The following AFF2 variants were observed in gnomAD, a reference collection of about 807,000 sequenced individuals.
AFF2 encodes the protein ALF transcription elongation factor 2, also known as AF4/FMR2 family member 2.
Under a neutral mutation model 76.9 loss-of-function variants are expected in AFF2, and 14 were observed. That is an observed-to-expected ratio of 0.18 (90% CI 0.12 to 0.28). The LOEUF (loss-of-function observed/expected upper bound fraction) is 0.28, where lower values mean the gene tolerates loss of function less well. Among genes scored for constraint, AFF2 ranks in the 10% least tolerant of loss-of-function variants. The pLI, the probability that AFF2 is intolerant of heterozygous loss-of-function variation, is 1.00. For synonymous variants in AFF2, 398 were observed against 366.7 expected, an observed-to-expected ratio of 1.09 and a Z score of -0.98; for missense variants, 868 against 1,001.1, an observed-to-expected ratio of 0.87 and a Z score of 1.79.
intron 2 of AFF2, among the ~76,000 whole-genome samples, chrX:148,658,142 A>T (rs2054271303): frequency 8.9e-6 from 1 of 111,830 alleles, no homozygotes; most frequent in African/African-American, 3.3e-5. Flanking sequence ...GAACTTCTTG[A>T]GGCTCTGTGT....
Position 148,710,893 on chromosome X carries a change from A to C in AFF2, c.1041+48125A>C, listed in dbSNP as rs1421597037. 3.6e-5 allele frequency among the ~76,000 whole-genome samples: 4 copies of C among 111,617 alleles called. No individual in the cohort carries two copies. In the Admixed American group the frequency reaches 3.8e-4, roughly 11 times the overall value. ...GTCAGTTGACTGGATGAACTGTAAG[A>C]ATTATCTATCTTAAAAATAACGGCT... On this transcript the variant is annotated intron_variant, in intron 3 of 20. Transcript: ENST00000370460.
chrX:148,985,285 CTTTTTTTTTTTTTTTTT>C (rs151339705), intron 19 of AFF2, among the ~76,000 whole-genome samples: 19 of 15,389 alleles, frequency 1.2e-3, no homozygotes, highest in South Asian at 0.022. Context: ...TGTGCCTGGC[CTTTTTTTTTTTTTTTTT>C]TTTTTTTTTT....
chrX:148,890,220 C>T (rs1463400690), intron 8 of AFF2, among the ~76,000 whole-genome samples: 1 of 111,381 alleles, frequency 9.0e-6, no homozygotes, highest in Non-Finnish European at 1.9e-5. Context: ...GGGTTTAATC[C>T]CAGGCCTCAA....
intron 8 of AFF2, 143 bp downstream of exon 8, chrX:148,886,128 T>C: frequency 6.0e-6 from 3 of 501,116 alleles, no homozygotes; most frequent in Admixed American, 5.8e-5. Context: ...AAGATGAGCA[T>C]AGTGTTCTGG....
intron 19 of AFF2, among the ~76,000 whole-genome samples, chrX:148,987,138 GTTGACAAAAGCTATTGCA>G (rs2072481565): frequency 9.0e-6 from 1 of 111,531 alleles, no homozygotes; most frequent in Non-Finnish European, 1.9e-5. Context: ...AAGCTATTGT[GTTGACAAAAGCTATTGCA>G]TTGACAAAAG....
chrX:148,755,226 G>A lies in AFF2; in HGVS notation c.1042-54650G>A, dbSNP rs367815897. ...TTATCTTGATTATGACTGAAGCTGC[G>A]TTTGTCACTTTTGTTTTCAAATCAT... is the stretch of plus-strand genomic sequence containing the variant. On this transcript the variant is annotated intron_variant, in intron 3 of 20. Transcript: ENST00000370460. Among the ~76,000 whole-genome samples, 19 of 112,189 alleles carry A rather than the reference G, an allele frequency of 1.7e-4. No individual in the cohort carries two copies. In the South Asian group the frequency reaches 5.5e-3, roughly 33 times the overall value.
chrX:148,778,202 C>A (rs942275757), intron 3 of AFF2, among the ~76,000 whole-genome samples: 1 of 111,484 alleles, frequency 9.0e-6, no homozygotes, highest in Non-Finnish European at 1.9e-5. Context: ...GGGATGAAGC[C>A]GACTTGATCG....
chrX:148,830,116 A>G (rs782725163), intron 4 of AFF2, among the ~76,000 whole-genome samples: 1 of 112,148 alleles, frequency 8.9e-6, no homozygotes, highest in East Asian at 2.8e-4. Flanking sequence ...GAGATGGGAC[A>G]TCCAGGAGAG....
intron 3 of AFF2, among the ~76,000 whole-genome samples, chrX:148,688,447 A>G (rs1181175724): frequency 9.0e-6 from 1 of 111,347 alleles, no homozygotes; most frequent in Non-Finnish European, 1.9e-5. Flanking sequence ...CTGTTCCTGC[A>G]GTTTTTGTAG....
chrX:148,749,890 T>C (rs1442701366), intron 3 of AFF2, among the ~76,000 whole-genome samples: 2 of 111,255 alleles, frequency 1.8e-5, no homozygotes, highest in African/African-American at 3.3e-5. Context: ...ACCCACTGCC[T>C]CCTCCTCACC....
intron 3 of AFF2, among the ~76,000 whole-genome samples, chrX:148,690,480 G>A (rs2054639861): frequency 9.0e-6 from 1 of 111,666 alleles, no homozygotes; most frequent in Non-Finnish European, 1.9e-5. Context: ...AGAAGAGAAT[G>A]AACTTACTCA....
chrX:148,700,419 AGTGTGTGTGTGTGTGTGTGT>A (rs368077947), intron 3 of AFF2, among the ~76,000 whole-genome samples: 150 of 82,491 alleles, frequency 1.8e-3, no homozygotes, highest in Non-Finnish European at 2.6e-3. Flanking sequence ...GTACTGTTGA[AGTGTGTGTGTGTGTGTGTGT>A]GTGTGTGTGT....
intron 1 of AFF2, among the ~76,000 whole-genome samples, chrX:148,616,761 C>A (rs2053808253): frequency 1.0e-5 from 1 of 97,436 alleles, no homozygotes; most frequent in Non-Finnish European, 2.0e-5. Context: ...GTGTGATGTT[C>A]CCCTTCCTGT....
intron 3 of AFF2, among the ~76,000 whole-genome samples, chrX:148,679,398 A>T (rs1358235993): frequency 9.1e-6 from 1 of 109,997 alleles, no homozygotes; most frequent in Non-Finnish European, 1.9e-5. Context: ...TAGAAATAAC[A>T]GTGCCGTGCT....
intron 3 of AFF2, among the ~76,000 whole-genome samples, chrX:148,730,389 C>CT (rs2055206293): frequency 9.0e-6 from 1 of 111,731 alleles, no homozygotes; most frequent in Non-Finnish European, 1.9e-5. Flanking sequence ...TAGCAGTGTC[C>CT]TTTATTGATG....
intron 3 of AFF2, among the ~76,000 whole-genome samples, chrX:148,723,713 C>T (rs1569554308): frequency 9.1e-6 from 1 of 110,397 alleles, no homozygotes; most frequent in Non-Finnish European, 1.9e-5. Flanking sequence ...GGAATGCCAG[C>T]CAGTGTTCTG....
At position 148,955,778 on chromosome X, in the gene AFF2, A is replaced by G. The variant is rs139036592; in HGVS notation, c.1733A>G (p.Gln578Arg). The G allele has an allele frequency of 8.3e-7, 1 of 1,212,021 alleles. No homozygotes were observed. Among genetic ancestry groups the G allele is most frequent in the Non-Finnish European group, 1.1e-6 (1 of 895,576 alleles). Residue 578 changes from glutamine (Q) to arginine (R), a missense_variant, in exon 11 of 21, where the codon CAG becomes CGG. Coordinates refer to ENST00000370460, the MANE Select transcript of AFF2 (RefSeq NM_002025.4). The part of the protein sequence containing the change: ...VQMKVKTNAS[Q>R]VPAEPKERPL... ...ATGAAAGTGAAGACGAATGCCAGTC[A>G]GGTCCCAGCTGAACCCAAAGAAAGG... is the stretch of plus-strand genomic sequence containing the variant.
intron 1 of AFF2, among the ~76,000 whole-genome samples, chrX:148,601,966 A>G (rs1278967008): frequency 1.8e-5 from 2 of 111,984 alleles, no homozygotes; most frequent in Non-Finnish European, 3.8e-5. Context: ...TTGAGGATAC[A>G]ATAAATAACC....
chrX:148,502,989 C>T (rs1346425953), intron 1 of AFF2, among the ~76,000 whole-genome samples: 1 of 112,449 alleles, frequency 8.9e-6, no homozygotes, highest in Non-Finnish European at 1.9e-5. Flanking sequence ...AAATGCAAAA[C>T]CTTTTTTTCC....
Sources: allele counts gnomAD v4.1 joint callset (sites outside exome capture counted in the v4.1 genomes callset), GRCh38; gene constraint gnomAD v4.1.1; transcripts MANE v1.5; gene names NCBI Gene and HGNC (gene_info 2026-07-23, HGNC 2026-07-21).